The following TBC1D5 variants were observed in gnomAD, a reference collection of about 807,000 sequenced individuals.
TBC1D5 encodes TBC1 domain family, member 5.
TBC1D5 carries 75 observed loss-of-function variants against 100.3 expected under a neutral mutation model. The observed-to-expected ratio is 0.75, with a 90% CI of 0.62 to 0.91. The LOEUF (loss-of-function observed/expected upper bound fraction) is 0.91, where lower values mean the gene tolerates loss of function less well. Ranked by LOEUF, TBC1D5 falls within the 40% of genes least tolerant of loss-of-function variation. The pLI is 0.00. For synonymous variants in TBC1D5, 323 were observed against 325.6 expected, an observed-to-expected ratio of 0.99 and a Z score of 0.09; for missense variants, 910 against 942.4, an observed-to-expected ratio of 0.97 and a Z score of 0.45.
chr3:17,233,975 C>A (rs1186175505), intron 17 of TBC1D5, among the ~76,000 whole-genome samples: 1 of 151,906 alleles, frequency 6.6e-6, no homozygotes, highest in Admixed American at 6.6e-5. Context: ...AAAGAAAACA[C>A]AAACAAGTTT....
chr3:17,637,382 T>C (rs2064062012), intron 1 of TBC1D5, among the ~76,000 whole-genome samples: 1 of 151,236 alleles, frequency 6.6e-6, no homozygotes, highest in Admixed American at 6.6e-5. Flanking sequence ...TTTTATAACC[T>C]TGGAATGTAG....
At chr3:17,516,445 A>G (rs1186088817) in intron 2 of TBC1D5, among the ~76,000 whole-genome samples, 1 of 152,216 alleles carries the variant, frequency 6.6e-6, no homozygotes, top group Admixed American at 6.5e-5. Flanking sequence ...TAGTAGGCAT[A>G]GTTAAAATCC....
chr3:17,712,062 T>C (rs1465167648), intron 1 of TBC1D5, among the ~76,000 whole-genome samples: 2 of 152,018 alleles, frequency 1.3e-5, no homozygotes, highest in Non-Finnish European at 2.9e-5. Flanking sequence ...AAAATAATCA[T>C]CACCATTCTG....
intron 2 of TBC1D5, among the ~76,000 whole-genome samples, chr3:17,581,712 A>G (rs772481238): frequency 1.3e-5 from 2 of 152,178 alleles, no homozygotes; most frequent in Non-Finnish European, 2.9e-5. Context: ...CTTAAAATCT[A>G]TTCTCAAGCT....
chr3:17,164,045 T>C (rs574798580), intron 21 of TBC1D5, among the ~76,000 whole-genome samples: 9 of 152,208 alleles, frequency 5.9e-5, no homozygotes, highest in Non-Finnish European at 8.8e-5. Flanking sequence ...TGTGTGAGGA[T>C]AGATGCTGAG....
chr3:17,441,497 G>A (rs1202555545), intron 3 of TBC1D5, among the ~76,000 whole-genome samples: 1 of 152,138 alleles, frequency 6.6e-6, no homozygotes, highest in African/African-American at 2.4e-5. Flanking sequence ...AAGCACAAAG[G>A]CACTACTACA....
chr3:17,228,719 A>C (rs1445069151), intron 17 of TBC1D5, among the ~76,000 whole-genome samples: 1 of 151,452 alleles, frequency 6.6e-6, no homozygotes, highest in Non-Finnish European at 1.5e-5. Context: ...AAGTTGCACA[A>C]AGTTACTGTT....
intron 17 of TBC1D5, among the ~76,000 whole-genome samples, chr3:17,219,294 C>T (rs1048320250): frequency 6.6e-6 from 1 of 151,762 alleles, no homozygotes. Context: ...CTGATCTTCT[C>T]TATTTGATGA....
chr3:17,537,798 C>G (rs1172107613), intron 2 of TBC1D5, among the ~76,000 whole-genome samples: 1 of 152,066 alleles, frequency 6.6e-6, no homozygotes, highest in Non-Finnish European at 1.5e-5. Flanking sequence ...TTTGTCTATC[C>G]ATCCAGCTAT....
chr3:17,200,468 A>G (rs950097095), intron 18 of TBC1D5, among the ~76,000 whole-genome samples: 1 of 152,180 alleles, frequency 6.6e-6, no homozygotes, highest in African/African-American at 2.4e-5. Context: ...CATGCAAGGG[A>G]TCTAGGTTGT....
intron 17 of TBC1D5, among the ~76,000 whole-genome samples, chr3:17,236,656 T>A (rs2075879059): frequency 6.6e-6 from 1 of 152,124 alleles, no homozygotes; most frequent in Non-Finnish European, 1.5e-5. Context: ...CAGCTAATTT[T>A]TGTATTTTTA....
chr3:17,488,296 T>C (rs924313292), intron 3 of TBC1D5, among the ~76,000 whole-genome samples: 1 of 152,228 alleles, frequency 6.6e-6, no homozygotes, highest in Admixed American at 6.5e-5. Context: ...TCCATGTCTT[T>C]TTGTGCTTTG....
chr3:17,712,558 G>C (rs2074843450), intron 1 of TBC1D5, among the ~76,000 whole-genome samples: 1 of 152,138 alleles, frequency 6.6e-6, no homozygotes, highest in East Asian at 1.9e-4. Flanking sequence ...TTTTTAAATT[G>C]TTGAAAACTA....
In TBC1D5 at chr3:17,462,888, A is replaced by T. The variant is rs7427623; in HGVS notation, c.98-34369T>A. 9.8e-3 allele frequency among the ~76,000 whole-genome samples: 1,486 copies of T among 152,224 alleles called. 55 individuals carry two copies. The highest frequency in any genetic ancestry group is 0.072 in the Admixed American group (1,108 of 15,290). ...TCTTCTTTTACCTTGGTCATATTAC[A>T]TTATCAGGAACCTTACTTCTAAATA... On this transcript the variant is annotated intron_variant, in intron 3 of 21. Coordinates refer to ENST00000253692, the Ensembl canonical transcript of TBC1D5.
At position 17,698,986 on chromosome 3, in the gene TBC1D5, G is replaced by A. The variant is rs1375363183; in HGVS notation, c.-101+40357C>T. 6.0e-5 allele frequency among the ~76,000 whole-genome samples: 9 copies of A among 150,154 alleles called. No individual in the cohort carries two copies. In the South Asian group the frequency reaches 1.9e-3, roughly 32 times the overall value. ...CAACCATTGTGGAAGTCAGTGTGGC[G>A]ATTCCTCAGGGATCTAGAACTCGAA... On this transcript the variant is annotated intron_variant, in intron 1 of 21. Coordinates refer to ENST00000253692, the Ensembl canonical transcript of TBC1D5.
intron 2 of TBC1D5, among the ~76,000 whole-genome samples, chr3:17,611,907 C>T (rs2061697524): frequency 6.6e-6 from 1 of 151,092 alleles, no homozygotes; most frequent in Non-Finnish European, 1.5e-5. Flanking sequence ...TTCATCCACA[C>T]TAACTTCAGG....
chr3:17,713,633 CAT>C (rs1177852376), intron 1 of TBC1D5, among the ~76,000 whole-genome samples: 1 of 152,080 alleles, frequency 6.6e-6, no homozygotes, highest in African/African-American at 2.4e-5. Context: ...GTTTCTAAAT[CAT>C]ATATGAGACT....
At chr3:17,275,238 G>A (rs1171610473) in intron 15 of TBC1D5, among the ~76,000 whole-genome samples, 1 of 152,050 alleles carries the variant, frequency 6.6e-6, no homozygotes, top group African/African-American at 2.4e-5. Flanking sequence ...GGTATACAAA[G>A]CCTTCCTCAA....
chr3:17,640,460 A>C (rs1038787934), intron 1 of TBC1D5, among the ~76,000 whole-genome samples: 1 of 152,064 alleles, frequency 6.6e-6, no homozygotes, highest in Admixed American at 6.6e-5. Context: ...CCAAAATATC[A>C]ATTTCCTCTT....
Sources: gnomAD v4.1 joint callset for allele counts (sites outside exome capture counted in the v4.1 genomes callset) on GRCh38, gnomAD v4.1.1 for gene constraint, MANE v1.5 for transcripts, NCBI Gene and HGNC (gene_info 2026-07-23, HGNC 2026-07-21) for gene names.